SMARCA2: variants seen among roughly 807,000 people sequenced by gnomAD.
The protein encoded by SMARCA2 is SWI/SNF-related matrix-associated actin-dependent regulator of chromatin subfamily A member 2.
A neutral mutation model predicts 199.8 loss-of-function variants in SMARCA2; 61 were observed. The observed-to-expected ratio is 0.31, with a 90% CI of 0.25 to 0.38. SMARCA2 has a LOEUF of 0.38. Among genes scored for constraint, SMARCA2 ranks in the 10% least tolerant of loss-of-function variants. SMARCA2 has a pLI of 1.00. For missense variants in SMARCA2, 1,344 were observed against 2,012.2 expected (o/e 0.67, Z 6.35); for synonymous variants, 935 against 732.0 (o/e 1.28, Z -4.48).
At position 2,017,860 on chromosome 9, in the gene SMARCA2, C is replaced by A. The variant is rs559688992; in HGVS notation, c.-37+2456C>A. 6.6e-6 allele frequency: 1 copy of A among 152,464 alleles called. No homozygotes were observed. Among genetic ancestry groups the A allele is most frequent in the South Asian group, 2.1e-4 (1 of 4,824 alleles). 9.4% of individuals were successfully genotyped at this position (152,464 alleles called of 1,614,324 possible). Reference sequence around the variant, plus strand: ...GCGGAGCTTTCCAGTTCTTTCCCTGCCAGCCCCCTCCGGTCTCCCGGCTCG... The same window carrying A: ...GCGGAGCTTTCCAGTTCTTTCCCTGACAGCCCCCTCCGGTCTCCCGGCTCG... On this transcript the variant is annotated intron_variant, in intron 1 of 33. Coordinates refer to ENST00000349721, the MANE Select transcript of SMARCA2 (RefSeq NM_003070.5). This position sits in a 1 kb window ranked among gnomAD's most constrained non-coding sequence, Gnocchi z 8.8.
rs1478922033 is a variant in SMARCA2, at chr9:2,081,936, C to T, written c.2289C>T (p.Ile763=). Residue 763 remains isoleucine, a synonymous_variant, in exon 15 of 34, where the codon ATC becomes ATT. Transcript: ENST00000349721. ...AGACCATACAGACCATTGCACTCAT[C>T]ACTTATCTGATGGAGCACAAAAGAC... ...LGKTIQTIAL[I]TYLMEHKRLN... is the part of the protein sequence containing the mutation. The T allele has an allele frequency of 6.2e-7, 1 of 1,613,886 alleles. No homozygotes were observed. Among genetic ancestry groups the T allele is most frequent in the East Asian group, 2.2e-5 (1 of 44,874 alleles).
chr9:2,036,304 A>T (rs973027067), intron 3 of SMARCA2, among the ~76,000 whole-genome samples: 2 of 152,098 alleles, frequency 1.3e-5, no homozygotes, highest in Non-Finnish European at 2.9e-5. Context: ...AGGCAAGGTG[A>T]AACTGGGGAG....
At position 2,086,140 on chromosome 9, in the gene SMARCA2, G is replaced by T. The variant is rs943033164; in HGVS notation, c.2527-689G>T. 6.6e-6 allele frequency: 1 copy of T among 152,286 alleles called. No individual in the cohort carries two copies. Among genetic ancestry groups the T allele is most frequent in the Non-Finnish European group, 1.5e-5 (1 of 68,112 alleles). 9.4% of individuals were successfully genotyped at this position (152,286 alleles called of 1,614,324 possible). On this transcript the variant is annotated intron_variant, in intron 17 of 33. Transcript: ENST00000349721. The surrounding 1 kb of genome is among the most constrained non-coding windows in gnomAD (Gnocchi z 4.3). The stretch of plus-strand genomic sequence containing the variant: ...TATTCTTTTATTTTAGATAAAACAG[G>T]GGTCCTAGATCTGGCAGGTAAGGAA...
At chr9:2,144,931 A>G (rs1323214092) in intron 27 of SMARCA2, among the ~76,000 whole-genome samples, 1 of 151,830 alleles carries the variant, frequency 6.6e-6, no homozygotes, top group Non-Finnish European at 1.5e-5. Context: ...CATATTCACA[A>G]TCTGTGAATG....
At chr9:2,166,628 A>G (rs1825942975) in intron 28 of SMARCA2, among the ~76,000 whole-genome samples, 1 of 152,150 alleles carries the variant, frequency 6.6e-6, no homozygotes, top group South Asian at 2.1e-4. Flanking sequence ...TATGTTTACT[A>G]TGTTTATGTA....
At chr9:2,100,968 G>A (rs559356952) in intron 21 of SMARCA2, among the ~76,000 whole-genome samples, 16 of 152,118 alleles carry the variant, frequency 1.1e-4, no homozygotes, top group South Asian at 1.0e-3. Context: ...GAGAATGTGA[G>A]GCAAGTGAAA....
chr9:2,182,829 C>T lies in SMARCA2; in HGVS notation c.4461+587C>T, dbSNP rs111806856. On this transcript the variant is annotated intron_variant, in intron 31 of 33. Coordinates refer to ENST00000349721, the MANE Select transcript of SMARCA2 (RefSeq NM_003070.5). ...ATATTTTTTTTTCGAGATGGAGTCT[C>T]GCCCAGGCTGGAGTGCAGTGGCATG... 4.5e-3 allele frequency among the ~76,000 whole-genome samples: 675 copies of T among 149,386 alleles called. 5 individuals are homozygous for T. Among genetic ancestry groups the T allele is most frequent in the African/African-American group, 0.015 (624 of 40,428 alleles).
chr9:2,116,067 A>G lies in SMARCA2; in HGVS notation c.3684+18A>G, dbSNP rs941085235. 7 of 1,560,858 alleles carry G rather than the reference A, an allele frequency of 4.5e-6. No individual in the cohort carries two copies. Among genetic ancestry groups the G allele is most frequent in the South Asian group, 1.1e-5 (1 of 89,246 alleles). On this transcript the variant is annotated intron_variant, in intron 25 of 33. Coordinates refer to ENST00000349721, the MANE Select transcript of SMARCA2 (RefSeq NM_003070.5). ...AAAATGAGGTATTAGAGAAAACCCC[A>G]AGTTTATGAAATCAAACAGTGGCCT...
At chr9:2,140,211 A>G (rs1035000635) in intron 27 of SMARCA2, among the ~76,000 whole-genome samples, 3 of 152,226 alleles carry the variant, frequency 2.0e-5, no homozygotes, top group African/African-American at 7.2e-5. Context: ...AGAAGAATAT[A>G]TAACAGATGC....
In SMARCA2 at chr9:2,016,398, C is replaced by T. The variant is rs1406239516; in HGVS notation, c.-37+994C>T. 2 of 152,294 alleles carry T rather than the reference C, an allele frequency of 1.3e-5. No individual in the cohort carries two copies. The highest frequency in any genetic ancestry group is 4.8e-5 in the African/African-American group (2 of 41,446). The allele number at this position is 152,294 out of a possible 1,614,324, so 9.4% of individuals were successfully genotyped here. A position where few individuals can be genotyped will look rare whatever the true frequency, so the allele number is the denominator to read the frequency against. ...GGAGGTCGGAGGTGCCCGCCAGCCT[C>T]CGTTACCCTGCCCTCCCTCTCCCCG... On this transcript the variant is annotated intron_variant, in intron 1 of 33. Coordinates refer to ENST00000349721, the MANE Select transcript of SMARCA2 (RefSeq NM_003070.5). This position sits in a 1 kb window ranked among gnomAD's most constrained non-coding sequence, Gnocchi z 5.6.
intron 12 of SMARCA2, among the ~76,000 whole-genome samples, chr9:2,074,069 C>T (rs983183133): frequency 4.6e-5 from 7 of 152,114 alleles, no homozygotes; most frequent in Non-Finnish European, 7.4e-5. Flanking sequence ...AAAAGGGCAA[C>T]GTGGGCTTGG....
At chr9:2,081,116 T>A (rs1276900050) in intron 14 of SMARCA2, among the ~76,000 whole-genome samples, 4 of 152,212 alleles carry the variant, frequency 2.6e-5, no homozygotes, top group African/African-American at 9.6e-5. Flanking sequence ...ATCTGTGGTA[T>A]GATGGTGGAA....
intron 21 of SMARCA2, among the ~76,000 whole-genome samples, chr9:2,100,380 G>A (rs187719899): frequency 1.3e-5 from 2 of 152,182 alleles, no homozygotes; most frequent in Non-Finnish European, 2.9e-5. Context: ...TGTAATGGAG[G>A]AAAGCACAGT....
chr9:2,062,504 A>G (rs184763573), intron 9 of SMARCA2, among the ~76,000 whole-genome samples: 3 of 152,240 alleles, frequency 2.0e-5, no homozygotes, highest in Non-Finnish European at 4.4e-5. Flanking sequence ...GCAGAGAAAG[A>G]TACACAATTG....
intron 27 of SMARCA2, among the ~76,000 whole-genome samples, chr9:2,126,878 A>G (rs1823719614): frequency 6.6e-6 from 1 of 152,226 alleles, no homozygotes; most frequent in African/African-American, 2.4e-5. Context: ...AGCTCTGATT[A>G]ATAGTTCTTC....
intron 19 of SMARCA2, among the ~76,000 whole-genome samples, chr9:2,094,068 C>G (rs1376271044): frequency 6.6e-6 from 1 of 151,994 alleles, no homozygotes; most frequent in Non-Finnish European, 1.5e-5. Context: ...TTAAAAAGGG[C>G]CCTCAAGGTA....
Position 2,028,998 on chromosome 9 carries a change from T to C in SMARCA2, c.-25T>C, listed in dbSNP as rs1426698297. On this transcript the variant is annotated 5_prime_UTR_variant, in exon 2 of 34. Transcript: ENST00000349721. ...GCTTTTCAACTTAGCATTACTCTACTGACTGGCAGAGACAGGAGAGGTAGA... is the reference window on the plus strand; with the variant it reads ...GCTTTTCAACTTAGCATTACTCTACCGACTGGCAGAGACAGGAGAGGTAGA... 3.2e-6 allele frequency: 5 copies of C among 1,546,924 alleles called. No individual in the cohort carries two copies. The highest frequency in any genetic ancestry group is 4.4e-6 in the Non-Finnish European group (5 of 1,146,422).
intron 26 of SMARCA2, among the ~76,000 whole-genome samples, chr9:2,122,735 A>G (rs1823521370): frequency 6.6e-6 from 1 of 152,248 alleles, no homozygotes. Context: ...TCCCAATTTC[A>G]GTATGGTAGA....
At chr9:2,148,061 A>G (rs1195630251) in intron 27 of SMARCA2, among the ~76,000 whole-genome samples, 1 of 151,674 alleles carries the variant, frequency 6.6e-6, no homozygotes, top group East Asian at 1.9e-4. Context: ...CAGTTGTAAC[A>G]GTCTAGCCCT....
Sources: gnomAD v4.1 joint callset for allele counts (sites outside exome capture counted in the v4.1 genomes callset) on GRCh38, gnomAD v4.1.1 for gene constraint, Gnocchi (gnomAD v3.1) non-coding constraint, MANE v1.5 for transcripts, NCBI Gene and HGNC (gene_info 2026-07-23, HGNC 2026-07-21) for gene names.